Variants in TICRR observed in about 807,000 individuals in gnomAD.
TICRR encodes the protein TOPBP1 interacting checkpoint and replication regulator, also known as treslin.
In TICRR, 132 loss-of-function variants were observed where a neutral mutation model predicts 178.1. That is an observed-to-expected ratio of 0.74 (90% CI 0.64 to 0.86). The LOEUF is 0.86. Among genes scored for constraint, TICRR ranks in the 40% least tolerant of loss-of-function variants. The pLI is 0.00. For missense variants in TICRR, 2,587 were observed against 2,334.3 expected, an observed-to-expected ratio of 1.11 and a Z score of -2.23; for synonymous variants, 991 against 900.7, an observed-to-expected ratio of 1.10 and a Z score of -1.79.
intron 7 of TICRR, 142 bp from the exon 8 acceptor site, chr15:89,599,182 A>ACCC: frequency 4.9e-6 from 1 of 204,522 alleles, no homozygotes; most frequent in South Asian, 5.1e-5. Context: ...CCCCGCCCCC[A>ACCC]CCACCATCAG....
At chr15:89,577,599 CTTTTTTTTT>C (rs71151513) in intron 1 of TICRR, among the ~76,000 whole-genome samples, 9 of 60,858 alleles carry the variant, frequency 1.5e-4, no homozygotes, top group African/African-American at 4.6e-4. Flanking sequence ...GAGGGAAGGC[CTTTTTTTTT>C]TTTTTTTTTT....
chr15:89,617,407 T>A (rs1449483939), intron 16 of TICRR, among the ~76,000 whole-genome samples: 4 of 152,256 alleles, frequency 2.6e-5, no homozygotes, highest in African/African-American at 9.6e-5. Flanking sequence ...TTGCTGCTCA[T>A]TACTGTGATA....
In TICRR at chr15:89,627,107, A is replaced by T. The variant is rs779939978; in HGVS notation, c.*21A>T. On this transcript the variant is annotated 3_prime_UTR_variant, in exon 22 of 22. Coordinates refer to ENST00000268138, the MANE Select transcript of TICRR (RefSeq NM_152259.4). ...TATAGCCACAAACATTACTGAGCCC[A>T]AAAGATCAAGGAGTCAGCCAGGACC... 15 of 1,613,450 alleles carry T rather than the reference A, an allele frequency of 9.3e-6. No individual in the cohort carries two copies. In the South Asian group the frequency reaches 1.6e-4, roughly 18 times the overall value.
chr15:89,580,653 T>G (rs1180956596), intron 1 of TICRR, among the ~76,000 whole-genome samples: 2 of 152,350 alleles, frequency 1.3e-5, no homozygotes, highest in Middle Eastern at 3.4e-3. Context: ...GGGATCTTTT[T>G]TTTGTTTGTT....
chr15:89,623,640 C>T lies in TICRR; in HGVS notation c.3330C>T (p.His1110=), dbSNP rs761727210. Residue 1110 remains histidine, a synonymous_variant, in exon 20 of 22, where the codon CAC becomes CAT. Transcript: ENST00000268138. ...PAAYQTPKKS[H]QKSLSFSKTT... ...CTTTTCAGACTCCCAAGAAGAGTCA[C>T]CAGAAATCTCTGAGCTTTTCTAAAA... is the stretch of plus-strand genomic sequence containing the variant. 2.9e-5 allele frequency: 46 copies of T among 1,608,134 alleles called. No homozygotes were observed. The highest frequency in any genetic ancestry group is 3.9e-5 in the Non-Finnish European group (46 of 1,177,902).
intron 15 of TICRR, 148 bp downstream of exon 15, chr15:89,609,097 A>AAT: frequency 2.4e-5 from 5 of 209,992 alleles, no homozygotes; most frequent in Non-Finnish European, 3.9e-5. Context: ...CAATTTTGTT[A>AAT]ATCTTTTTTT....
chr15:89,614,710 G>C (rs977532575), intron 15 of TICRR, among the ~76,000 whole-genome samples: 4 of 152,140 alleles, frequency 2.6e-5, no homozygotes, highest in African/African-American at 7.2e-5. Context: ...TATTGTTTTT[G>C]TTTAGTCACT....
chr15:89,609,841 T>C (rs1400436959), intron 15 of TICRR, among the ~76,000 whole-genome samples: 2 of 152,156 alleles, frequency 1.3e-5, no homozygotes, highest in African/African-American at 4.8e-5. Flanking sequence ...TTGTTTGCTC[T>C]TTTTCTACTT....
At chr15:89,605,689 T>G (rs1239486242) in intron 13 of TICRR, among the ~76,000 whole-genome samples, 1 of 147,844 alleles carries the variant, frequency 6.8e-6, no homozygotes, top group Non-Finnish European at 1.5e-5. Context: ...AATTATAGTT[T>G]ATCTCTTTAT....
At chr15:89,608,359 A>C (rs1963204517) in intron 14 of TICRR, among the ~76,000 whole-genome samples, 1 of 152,238 alleles carries the variant, frequency 6.6e-6, no homozygotes, top group African/African-American at 2.4e-5. Context: ...AGTTTGAATT[A>C]GTTATCAAAA....
At chr15:89,589,314 G>A (rs1241503653) in intron 4 of TICRR, among the ~76,000 whole-genome samples, 1 of 152,282 alleles carries the variant, frequency 6.6e-6, no homozygotes, top group Non-Finnish European at 1.5e-5. Flanking sequence ...TGTGAGTTTG[G>A]GGGGTAAGAA....
At chr15:89,584,743 A>G (rs1962791385) in intron 3 of TICRR, among the ~76,000 whole-genome samples, 1 of 152,232 alleles carries the variant, frequency 6.6e-6, no homozygotes, top group Non-Finnish European at 1.5e-5. Context: ...ATTAAGTTAA[A>G]TTATATTCAC....
chr15:89,611,502 T>C (rs1363608388), intron 15 of TICRR, among the ~76,000 whole-genome samples: 1 of 152,200 alleles, frequency 6.6e-6, no homozygotes, highest in Non-Finnish European at 1.5e-5. Flanking sequence ...ACTTCTTGGA[T>C]GTATATGTTC....
rs145498305 is a variant in TICRR at position 89,613,283 on chromosome 15, C to T, written c.2870-3122C>T. On this transcript the variant is annotated intron_variant, in intron 15 of 21. Coordinates refer to ENST00000268138, the MANE Select transcript of TICRR (RefSeq NM_152259.4). The stretch of plus-strand genomic sequence containing the variant: ...ACTGCCTTTTGTCTTTTGTTTCTGA[C>T]GAGAAAGCAGCTGCTAATCTCATCA... Among the ~76,000 whole-genome samples, 536 of 152,272 alleles carry T rather than the reference C, an allele frequency of 3.5e-3. 3 individuals are homozygous for T. Among genetic ancestry groups the T allele is most frequent in the African/African-American group, 0.012 (517 of 41,562 alleles).
intron 13 of TICRR, among the ~76,000 whole-genome samples, chr15:89,604,663 C>T (rs977082773): frequency 8.0e-5 from 12 of 149,218 alleles, no homozygotes; most frequent in African/African-American, 2.7e-4. Context: ...CCCAGCTACT[C>T]GGGAGGCTGA....
chr15:89,626,458 CTG>C lies in TICRR; in HGVS notation c.5602+399_5602+400del, dbSNP rs534135024. Among the ~76,000 whole-genome samples the C allele has an allele frequency of 1.2e-3, 186 of 152,288 alleles. 1 individual carries two copies. Among genetic ancestry groups the C allele is most frequent in the Admixed American group, 9.1e-3 (139 of 15,294 alleles). Reference sequence around the variant, plus strand: ...TATATTCGGTGGGACACAGTACTGACTGTAGTTATAATCAGCCTGCAGGCTCT... The same window carrying C: ...TATATTCGGTGGGACACAGTACTGACTAGTTATAATCAGCCTGCAGGCTCT... On this transcript the variant is annotated intron_variant, in intron 21 of 21. Transcript: ENST00000268138.
chr15:89,601,723 A>G lies in TICRR; in HGVS notation c.2328-14A>G. ...GATGGTAACTGTTCCGTATTCGATC[A>G]ATCTGTTCCACAGGTATATTGACTC... On this transcript the variant is annotated splice_polypyrimidine_tract_variant and intron_variant, in intron 11 of 21. Transcript: ENST00000268138. The G allele has an allele frequency of 1.2e-6, 2 of 1,614,098 alleles. No individual in the cohort carries two copies. Among genetic ancestry groups the G allele is most frequent in the Non-Finnish European group, 1.7e-6 (2 of 1,179,960 alleles).
Position 89,624,395 on chromosome 15 carries a change from CT to C in TICRR, c.4086del (p.Glu1363AsnfsTer65). The C allele has an allele frequency of 6.2e-7, 1 of 1,614,218 alleles. No individual in the cohort carries two copies. The highest frequency in any genetic ancestry group is 8.5e-7 in the Non-Finnish European group (1 of 1,180,040). On this transcript the variant is annotated frameshift_variant, in exon 20 of 22. Coordinates refer to ENST00000268138, the MANE Select transcript of TICRR (RefSeq NM_152259.4). LOFTEE classifies it high-confidence loss of function. The part of the protein sequence containing the change: ...SLSCPVPSTP[P>X]ELSQRATLDT... ...TCCTGCCCTGTTCCCTCAACTCCCCCTGAACTCTCACAGAGAGCTACATTGG... is the reference window on the plus strand; with the variant it reads ...TCCTGCCCTGTTCCCTCAACTCCCCCGAACTCTCACAGAGAGCTACATTGG...
chr15:89,615,180 T>C (rs1438429560), intron 15 of TICRR, among the ~76,000 whole-genome samples: 2 of 152,240 alleles, frequency 1.3e-5, no homozygotes, highest in Non-Finnish European at 2.9e-5. Flanking sequence ...TGCTGCTGAT[T>C]GTTTTCAGTA....
Sources: gnomAD v4.1 joint callset for allele counts (sites outside exome capture counted in the v4.1 genomes callset) on GRCh38, gnomAD v4.1.1 for gene constraint, MANE v1.5 for transcripts, NCBI Gene and HGNC (gene_info 2026-07-23, HGNC 2026-07-21) for gene names.